MAN2B2: variants seen among roughly 807,000 people sequenced by gnomAD.
MAN2B2 encodes the protein epididymis-specific alpha-mannosidase.
MAN2B2 carries 106 observed loss-of-function variants against 117.1 expected under a neutral mutation model. The observed-to-expected ratio is 0.90, with a 90% CI of 0.77 to 1.06. The LOEUF is 1.06. Among genes scored for constraint, MAN2B2 ranks in the 50% least tolerant of loss-of-function variants. The probability of loss-of-function intolerance (pLI) is 0.00; values close to 1 mark genes in which losing one functional copy is unlikely to be tolerated. For synonymous variants in MAN2B2, 544 were observed against 595.1 expected (o/e 0.91, Z 1.25); for missense variants, 1,326 against 1,381.4 (o/e 0.96, Z 0.64).
chr4:6,577,004 AAGTC>A (rs979411651), intron 2 of MAN2B2, among the ~76,000 whole-genome samples: 28 of 152,024 alleles, frequency 1.8e-4, no homozygotes, highest in Non-Finnish European at 2.9e-5. Flanking sequence ...AGCTGGCACT[AAGTC>A]AGCAGTGCCC....
At chr4:6,581,402 G>A (rs575454603) in intron 3 of MAN2B2, among the ~76,000 whole-genome samples, 20 of 152,282 alleles carry the variant, frequency 1.3e-4, no homozygotes, top group African/African-American at 4.3e-4. Flanking sequence ...TATATATGCA[G>A]TAGGTAACAG....
chr4:6,614,891 A>C lies in MAN2B2; in HGVS notation c.2701+536A>C, dbSNP rs568362490. Among the ~76,000 whole-genome samples the C allele has an allele frequency of 1.8e-4, 28 of 152,350 alleles. 1 individual carries two copies. The South Asian group carries it at 4.6e-3, about 25-fold the overall frequency. On this transcript the variant is annotated intron_variant, in intron 16 of 18. Coordinates refer to ENST00000285599, the MANE Select transcript of MAN2B2 (RefSeq NM_015274.3). ...AGAAGCAATCAAGTCACCAGGCAGT[A>C]ATGACAAGGACAAGAGGAATCCCCC...
At chr4:6,600,055 G>T (rs1305288747) in intron 9 of MAN2B2, among the ~76,000 whole-genome samples, 1 of 152,256 alleles carries the variant, frequency 6.6e-6, no homozygotes, top group African/African-American at 2.4e-5. Context: ...GAGGCTGGAA[G>T]TATGTGCTGG....
chr4:6,603,877 A>G (rs897789348), intron 10 of MAN2B2, among the ~76,000 whole-genome samples: 4 of 152,126 alleles, frequency 2.6e-5, no homozygotes, highest in African/African-American at 9.7e-5. Flanking sequence ...TATTTGGGAT[A>G]AAGGCTGGGT....
At chr4:6,602,146 C>T (rs1198195698) in intron 10 of MAN2B2, among the ~76,000 whole-genome samples, 4 of 152,234 alleles carry the variant, frequency 2.6e-5, no homozygotes, top group Non-Finnish European at 4.4e-5. Context: ...CACCACCAGC[C>T]GTGAGCTGAG....
chr4:6,593,146 C>G (rs1726920102), intron 5 of MAN2B2, 27 bp from the exon 6 acceptor site: 1 of 1,608,334 alleles, frequency 6.2e-7, no homozygotes, highest in African/African-American at 1.3e-5. Flanking sequence ...TTCGTGTCTT[C>G]TGCCCTAACC....
At chr4:6,614,404 CAA>C in intron 16 of MAN2B2, 49 bp downstream of exon 16, 1 of 1,596,870 alleles carries the variant, frequency 6.3e-7, no homozygotes, top group Non-Finnish European at 8.6e-7. Flanking sequence ...CTCCCTGAGT[CAA>C]ACAGGCCACC....
chr4:6,584,468 C>G (rs563554720), intron 3 of MAN2B2, among the ~76,000 whole-genome samples: 1 of 152,308 alleles, frequency 6.6e-6, no homozygotes, highest in South Asian at 2.1e-4. Flanking sequence ...TTTATTTGAA[C>G]AAACAGTGAT....
chr4:6,598,463 C>A, intron 9 of MAN2B2, 109 bp downstream of exon 9: 1 of 1,184,938 alleles, frequency 8.4e-7, no homozygotes, highest in East Asian at 2.6e-5. Context: ...TCCACATCAC[C>A]CATATCGCCC....
At chr4:6,587,911 C>T (rs193040674) in intron 4 of MAN2B2, among the ~76,000 whole-genome samples, 9 of 151,994 alleles carry the variant, frequency 5.9e-5, no homozygotes, top group South Asian at 2.1e-4. Context: ...AGTGCCACCA[C>T]GCCCAGCTAA....
chr4:6,617,579 C>A (rs1179351026), intron 17 of MAN2B2, 87 bp downstream of exon 17: 2 of 1,564,150 alleles, frequency 1.3e-6, no homozygotes, highest in East Asian at 2.3e-5. Flanking sequence ...CAAAGAGATC[C>A]ACGAGGGCTT....
intron 3 of MAN2B2, among the ~76,000 whole-genome samples, chr4:6,579,174 C>CCACCAT (rs1726253832): frequency 2.5e-5 from 2 of 79,434 alleles, no homozygotes; most frequent in Non-Finnish European, 5.6e-5. Context: ...ACCACCACCA[C>CCACCAT]CACCATCACC....
intron 7 of MAN2B2, among the ~76,000 whole-genome samples, chr4:6,595,894 T>C (rs1435155276): frequency 6.6e-6 from 1 of 152,154 alleles, no homozygotes; most frequent in East Asian, 1.9e-4. Flanking sequence ...TGGGGCTGCA[T>C]AGTCCCCGGC....
Position 6,576,560 on chromosome 4 carries a change from A to G in MAN2B2, c.139-18A>G. 2 of 1,607,548 alleles carry G rather than the reference A, an allele frequency of 1.2e-6. No individual in the cohort carries two copies. Among genetic ancestry groups the G allele is most frequent in the Non-Finnish European group, 1.7e-6 (2 of 1,175,838 alleles). On this transcript the variant is annotated intron_variant, in intron 1 of 18. Coordinates refer to ENST00000285599, the MANE Select transcript of MAN2B2 (RefSeq NM_015274.3). Reference sequence around the variant, plus strand: ...GTCTTGTTGGACCGGGGCTGGCATGATGCTGTCCCCTCCCCAGGAAAGCAT... The same window carrying G: ...GTCTTGTTGGACCGGGGCTGGCATGGTGCTGTCCCCTCCCCAGGAAAGCAT...
At chr4:6,619,853 T>G (rs1712075538) in intron 17 of MAN2B2, 74 bp from the exon 18 acceptor site, 2 of 1,374,260 alleles carry the variant, frequency 1.5e-6, no homozygotes, top group Admixed American at 3.5e-5. Context: ...GTGTCTGCCC[T>G]GCTGCTGTCT....
Position 6,610,951 on chromosome 4 carries a change from G to C in MAN2B2, c.2331G>C (p.Arg777=), listed in dbSNP as rs147196628. The change falls in exon 14 of 19, where the codon CGG becomes CGC. Residue 777 remains arginine (R), a synonymous_variant. Coordinates refer to ENST00000285599, the MANE Select transcript of MAN2B2 (RefSeq NM_015274.3). ...GKSRLVLLSE[R]AHGISSQGNG... ...GCAGGCTTGTGTTGCTGTCGGAGCG[G>C]GCACATGGCATCTCCAGCCAAGGGA... 994 of 1,614,208 alleles carry C rather than the reference G, an allele frequency of 6.2e-4. 10 individuals carry two copies. The African/African-American group carries it at 0.011, about 18-fold the overall frequency.
intron 17 of MAN2B2, chr4:6,618,107 C>G (rs940621559): frequency 6.5e-6 from 1 of 153,442 alleles, no homozygotes. Flanking sequence ...GCCTCGGCCT[C>G]GCAAAGTGCT....
intron 9 of MAN2B2, among the ~76,000 whole-genome samples, chr4:6,599,662 C>CA (rs34126657): frequency 0.03 from 2,749 of 93,008 alleles, 68 homozygotes; most frequent in African/African-American, 0.083. Flanking sequence ...GACTCCGTCT[C>CA]AAAAAAAAAA....
intron 3 of MAN2B2, among the ~76,000 whole-genome samples, chr4:6,583,796 A>G (rs1274683324): frequency 6.6e-6 from 1 of 152,224 alleles, no homozygotes; most frequent in African/African-American, 2.4e-5. Flanking sequence ...CCTTGATCCT[A>G]GGACTTTATA....
Sources: gnomAD v4.1 joint callset for allele counts (sites outside exome capture counted in the v4.1 genomes callset) on GRCh38, gnomAD v4.1.1 for gene constraint, MANE v1.5 for transcripts, NCBI Gene and HGNC (gene_info 2026-07-23, HGNC 2026-07-21) for gene names.